The following MTUS1 variants were observed in gnomAD, a reference collection of about 807,000 sequenced individuals.
MTUS1 encodes the protein microtubule-associated tumor suppressor 1.
In MTUS1, 109 loss-of-function variants were observed where a neutral mutation model predicts 120.8. That is an observed-to-expected ratio of 0.90 (90% CI 0.77 to 1.06). MTUS1 has a LOEUF of 1.06. Among genes scored for constraint, MTUS1 ranks in the 50% least tolerant of loss-of-function variants. The probability of loss-of-function intolerance (pLI) is 0.00; values close to 1 mark genes in which losing one functional copy is unlikely to be tolerated. For missense variants in MTUS1, 2,210 were observed against 1,486.3 expected, an observed-to-expected ratio of 1.49 and a Z score of -8.01; for synonymous variants, 737 against 550.5, an observed-to-expected ratio of 1.34 and a Z score of -4.74.
chr8:17,696,013 T>G (rs1282232231), intron 6 of MTUS1, among the ~76,000 whole-genome samples: 1 of 152,174 alleles, frequency 6.6e-6, no homozygotes, highest in Non-Finnish European at 1.5e-5. Context: ...CTCTTTAAAA[T>G]TAAAAGCTAT....
At chr8:17,725,578 A>C (rs1332133881) in intron 3 of MTUS1, among the ~76,000 whole-genome samples, 1 of 152,062 alleles carries the variant, frequency 6.6e-6, no homozygotes, top group Non-Finnish European at 1.5e-5. Flanking sequence ...TCATTGTCTA[A>C]ACTGTATTGG....
At chr8:17,654,226 G>A (rs190926788) in intron 10 of MTUS1, 9 of 315,524 alleles carry the variant, frequency 2.9e-5, no homozygotes, top group African/African-American at 1.9e-4. Flanking sequence ...GGAGCACTTG[G>A]GGTGGATCCT....
At chr8:17,762,078 G>A (rs1242629061) in intron 1 of MTUS1, among the ~76,000 whole-genome samples, 1 of 152,100 alleles carries the variant, frequency 6.6e-6, no homozygotes, top group Non-Finnish European at 1.5e-5. Context: ...CCAGGAGTTT[G>A]AGACCAGCCT....
intron 3 of MTUS1, among the ~76,000 whole-genome samples, chr8:17,729,172 C>A (rs959897352): frequency 6.6e-6 from 1 of 152,136 alleles, no homozygotes; most frequent in Non-Finnish European, 1.5e-5. Context: ...AGACAGTTAC[C>A]TTTAGAGTAA....
rs759503210 is a variant in MTUS1 at position 17,653,422 on chromosome 8, C to G, written c.3288+3G>C. The G allele has an allele frequency of 6.2e-7, 1 of 1,602,950 alleles. No homozygotes were observed. The highest frequency in any genetic ancestry group is 8.5e-7 in the Non-Finnish European group (1 of 1,174,508). Reference sequence around the variant, plus strand: ...GGATACTGGGATATTGACATTCACCCACCTCTAGCGATTCCTGCTTCTCAG... The same window carrying G: ...GGATACTGGGATATTGACATTCACCGACCTCTAGCGATTCCTGCTTCTCAG... On this transcript the variant is annotated splice_donor_region_variant and intron_variant, in intron 11 of 14. Transcript: ENST00000693296.
Position 17,724,842 on chromosome 8 carries a change from G to A in MTUS1, c.2288-1009C>T, listed in dbSNP as rs2410506. Among the ~76,000 whole-genome samples the A allele has an allele frequency of 6.6e-3, 997 of 152,136 alleles. 48 individuals are homozygous for A. Among genetic ancestry groups the A allele is most frequent in the Admixed American group, 0.061 (935 of 15,276 alleles). On this transcript the variant is annotated intron_variant, in intron 3 of 14. Transcript: ENST00000693296. Reference sequence around the variant, plus strand: ...GCCCTATCTTCCTTCTGAATCTCAAGGCTACTCATGTTTTAAAGTACTTAT... The same window carrying A: ...GCCCTATCTTCCTTCTGAATCTCAAAGCTACTCATGTTTTAAAGTACTTAT...
intron 1 of MTUS1, among the ~76,000 whole-genome samples, chr8:17,765,173 T>C (rs2049378743): frequency 6.6e-6 from 1 of 152,154 alleles, no homozygotes; most frequent in African/African-American, 2.4e-5. Context: ...GTCGCTAACA[T>C]GACAGGAGGT....
At chr8:17,689,769 A>C (rs1332892007) in intron 6 of MTUS1, among the ~76,000 whole-genome samples, 1 of 152,206 alleles carries the variant, frequency 6.6e-6, no homozygotes, top group African/African-American at 2.4e-5. Flanking sequence ...CAAAGTCAGC[A>C]AAAATACATA....
chr8:17,703,404 C>T (rs574421739), intron 6 of MTUS1, among the ~76,000 whole-genome samples: 8 of 152,058 alleles, frequency 5.3e-5, no homozygotes, highest in Non-Finnish European at 7.4e-5. Context: ...GAGGCTGTGG[C>T]GGGCAGATCA....
intron 13 of MTUS1, among the ~76,000 whole-genome samples, chr8:17,649,096 A>G (rs1585384494): frequency 1.3e-5 from 2 of 151,092 alleles, no homozygotes; most frequent in African/African-American, 4.9e-5. Flanking sequence ...TTATAGCACA[A>G]TTTTTTTTTT....
chr8:17,761,387 A>G (rs1445036416), intron 1 of MTUS1, among the ~76,000 whole-genome samples: 2 of 152,200 alleles, frequency 1.3e-5, no homozygotes, highest in African/African-American at 4.8e-5. Context: ...CATCATTACC[A>G]TATTAATGCT....
chr8:17,757,751 T>A (rs1272711303), intron 1 of MTUS1, among the ~76,000 whole-genome samples: 4 of 152,138 alleles, frequency 2.6e-5, no homozygotes, highest in Non-Finnish European at 5.9e-5. Flanking sequence ...GGTCTCGAAC[T>A]CCTGACCTCA....
chr8:17,660,495 C>A (rs201953289), intron 8 of MTUS1, among the ~76,000 whole-genome samples: 1 of 152,142 alleles, frequency 6.6e-6, no homozygotes, highest in African/African-American at 2.4e-5. Flanking sequence ...CTATGAACAC[C>A]GGGGGACAAA....
Position 17,772,537 on chromosome 8 carries a change from C to A in MTUS1, c.-154-16576G>T, listed in dbSNP as rs116466590. Among the ~76,000 whole-genome samples, 1,085 of 152,224 alleles carry A rather than the reference C, an allele frequency of 7.1e-3. 24 individuals carry two copies. Among genetic ancestry groups the A allele is most frequent in the African/African-American group, 0.025 (1,042 of 41,526 alleles). Reference sequence around the variant, plus strand: ...CAGTGTACTCTCTACTGATGTCATACCAAGGAAGCACTTATGGCTACAATC... The same window carrying A: ...CAGTGTACTCTCTACTGATGTCATAACAAGGAAGCACTTATGGCTACAATC... On this transcript the variant is annotated intron_variant, in intron 1 of 14. Transcript: ENST00000693296.
intron 6 of MTUS1, among the ~76,000 whole-genome samples, chr8:17,694,813 G>A (rs970344873): frequency 2.0e-5 from 3 of 152,152 alleles, no homozygotes; most frequent in African/African-American, 7.2e-5. Flanking sequence ...TAGATAAGAT[G>A]AATTTCCAAG....
chr8:17,703,082 A>C (rs1819424021), intron 6 of MTUS1, among the ~76,000 whole-genome samples: 1 of 152,190 alleles, frequency 6.6e-6, no homozygotes, highest in South Asian at 2.1e-4. Context: ...AAATCAGTGC[A>C]CCTTGAAAAT....
chr8:17,660,619 T>C (rs986756460), intron 8 of MTUS1, among the ~76,000 whole-genome samples: 2 of 152,224 alleles, frequency 1.3e-5, no homozygotes, highest in African/African-American at 4.8e-5. Context: ...CTCTTTTCCA[T>C]AGTGGTTGAA....
chr8:17,711,036 G>A (rs1408114622), intron 6 of MTUS1, among the ~76,000 whole-genome samples: 1 of 152,156 alleles, frequency 6.6e-6, no homozygotes, highest in African/African-American at 2.4e-5. Flanking sequence ...AAACCATACT[G>A]TAAACAAATA....
At chr8:17,721,420 C>G (rs6586635) in intron 4 of MTUS1, among the ~76,000 whole-genome samples, 1 of 151,930 alleles carries the variant, frequency 6.6e-6, no homozygotes, top group African/African-American at 2.4e-5. Context: ...CTAGTTATTT[C>G]ATAAGAAATT....
Sources: gnomAD v4.1 joint callset for allele counts (sites outside exome capture counted in the v4.1 genomes callset) on GRCh38, gnomAD v4.1.1 for gene constraint, MANE v1.5 for transcripts, NCBI Gene and HGNC (gene_info 2026-07-23, HGNC 2026-07-21) for gene names.